The following ZNF24 variants were observed in gnomAD, a reference collection of about 807,000 sequenced individuals.
The protein encoded by ZNF24 is retinoic acid suppression protein A.
A neutral mutation model predicts 40.9 loss-of-function variants in ZNF24; 11 were observed. That is an observed-to-expected ratio of 0.27 (90% confidence interval 0.17 to 0.45). The LOEUF (loss-of-function observed/expected upper bound fraction) is 0.45. Among genes scored for constraint, ZNF24 ranks in the 20% least tolerant of loss-of-function variants. ZNF24 has a pLI of 1.00. For synonymous variants in ZNF24, 139 were observed against 154.7 expected (o/e 0.90, Z 0.75); for missense variants, 293 against 437.7 (o/e 0.67, Z 2.95).
chr18:35,335,928 G>T lies in ZNF24; in HGVS notation c.*1304C>A, dbSNP rs1311059355. 2 of 152,208 alleles carry T rather than the reference G, an allele frequency of 1.3e-5. No individual in the cohort carries two copies. Among genetic ancestry groups the T allele is most frequent in the African/African-American group, 2.4e-5 (1 of 41,542 alleles). 9.4% of individuals were successfully genotyped at this position (152,208 alleles called of 1,614,324 possible). A position where few individuals can be genotyped will look rare whatever the true frequency, so the allele number is the denominator to read the frequency against. On this transcript the variant is annotated 3_prime_UTR_variant, in exon 4 of 4. Transcript: ENST00000261332. ...AAGATTCACAAACTTCCAAATTGTGGTAAGAGTATCGTGGACTCACCTCTG... is the reference window on the plus strand; with the variant it reads ...AAGATTCACAAACTTCCAAATTGTGTTAAGAGTATCGTGGACTCACCTCTG...
intron 3 of ZNF24, chr18:35,338,522 G>C: frequency 4.1e-6 from 4 of 985,878 alleles, no homozygotes; most frequent in Non-Finnish European, 4.8e-6. Context: ...CGCAGGCAGA[G>C]ATAACAGCAA....
Position 35,339,222 on chromosome 18 carries a change from G to A in ZNF24, c.568+607C>T, listed in dbSNP as rs1285328316. On this transcript the variant is annotated intron_variant, in intron 3 of 3. Coordinates refer to ENST00000261332, the MANE Select transcript of ZNF24 (RefSeq NM_006965.4). Reference sequence around the variant, plus strand: ...ATATATTGGGAAAGACTGGTCTCGTGAATTAATACAACTTTGAGCTTTTAA... The same window carrying A: ...ATATATTGGGAAAGACTGGTCTCGTAAATTAATACAACTTTGAGCTTTTAA... 5.6e-6 allele frequency: 3 copies of A among 536,346 alleles called. No individual in the cohort carries two copies. The East Asian group carries it at 9.7e-5, about 17-fold the overall frequency. 33.2% of individuals were successfully genotyped at this position (536,346 alleles called of 1,614,324 possible). A position where few individuals can be genotyped will look rare whatever the true frequency, so the allele number is the denominator to read the frequency against.
Position 35,334,117 on chromosome 18 carries a change from C to T in ZNF24, c.*3115G>A, listed in dbSNP as rs369689211. 5.3e-5 allele frequency: 8 copies of T among 152,198 alleles called. 1 individual carries two copies. 9.4% of individuals were successfully genotyped at this position (152,198 alleles called of 1,614,324 possible). On this transcript the variant is annotated 3_prime_UTR_variant, in exon 4 of 4. Coordinates refer to ENST00000261332, the MANE Select transcript of ZNF24 (RefSeq NM_006965.4). ...AAGTATATGCCTAAATCTGGAAGAA[C>T]AAACGAAATTATCATGACTTCTCGG... is the stretch of plus-strand genomic sequence containing the variant.
chr18:35,337,844 T>G, intron 3 of ZNF24, 74 bp from the exon 4 acceptor site: 1 of 1,335,112 alleles, frequency 7.5e-7, no homozygotes, highest in South Asian at 1.5e-5. Context: ...AATTTTTTTT[T>G]TAATGAACTA....
At position 35,339,961 on chromosome 18, in the gene ZNF24, G is replaced by A; in HGVS notation, c.436C>T (p.Arg146Ter). Residue 146 changes from arginine (R) to a stop codon, truncating the protein, a stop_gained, in exon 3 of 4, where the codon CGA (arginine) becomes TGA (stop). Coordinates refer to ENST00000261332, the MANE Select transcript of ZNF24 (RefSeq NM_006965.4). LOFTEE classifies it high-confidence loss of function. ...DPGQPVSLRR[R>*]KREVLVEDMV... is the part of the protein sequence containing the mutation. ...TCTTCTACTAGTACTTCCCGTTTTC[G>A]TCGACGGAGAGAAACCTGGAAACAG... 6.2e-7 allele frequency: 1 copy of A among 1,608,904 alleles called. No homozygotes were observed. Among genetic ancestry groups the A allele is most frequent in the Non-Finnish European group, 8.5e-7 (1 of 1,175,920 alleles).
chr18:35,341,774 T>C (rs573082989), intron 1 of ZNF24, among the ~76,000 whole-genome samples: 5 of 152,044 alleles, frequency 3.3e-5, no homozygotes, highest in Admixed American at 6.5e-5. Context: ...ATCCCAGCAC[T>C]ATAGGAGGCT....
At chr18:35,342,693 C>T (rs1200238960) in intron 1 of ZNF24, 1 of 152,172 alleles carries the variant, frequency 6.6e-6, no homozygotes, top group Non-Finnish European at 1.5e-5. Context: ...ATAGGCTATA[C>T]CAGATAGCCT....
chr18:35,335,047 T>C lies in ZNF24; in HGVS notation c.*2185A>G, dbSNP rs571119191. 5 of 152,300 alleles carry C rather than the reference T, an allele frequency of 3.3e-5. No individual in the cohort carries two copies. The East Asian group carries it at 9.6e-4, about 29-fold the overall frequency. 9.4% of individuals were successfully genotyped at this position (152,300 alleles called of 1,614,324 possible). The stretch of plus-strand genomic sequence containing the variant: ...CAAATCTACCACAGGGAAGCTTCCT[T>C]GTATATAGGAACCGCATACGATCTT... On this transcript the variant is annotated 3_prime_UTR_variant, in exon 4 of 4. Coordinates refer to ENST00000261332, the MANE Select transcript of ZNF24 (RefSeq NM_006965.4).
intron 1 of ZNF24, among the ~76,000 whole-genome samples, chr18:35,342,857 T>C (rs934774555): frequency 1.5e-4 from 23 of 152,200 alleles, no homozygotes; most frequent in Admixed American, 7.2e-4. Flanking sequence ...CAGAAAAAGT[T>C]TGCCAATCAT....
intron 1 of ZNF24, among the ~76,000 whole-genome samples, chr18:35,341,175 A>C (rs2044965378): frequency 6.6e-6 from 1 of 152,212 alleles, no homozygotes; most frequent in Admixed American, 6.5e-5. Context: ...ATGGCCTAAA[A>C]AAAACCCAAC....
rs369480225 is a variant in ZNF24, at chr18:35,337,599, C to A, written c.740G>T (p.Arg247Leu). 6.2e-7 allele frequency: 1 copy of A among 1,614,036 alleles called. No individual in the cohort carries two copies. Reference sequence around the variant, plus strand: ...TTCATCACATATATGTTGTTTCTTTCGAGAGGGATTTCTCTTTCTTTCAAA... The same window carrying A: ...TTCATCACATATATGTTGTTTCTTTAGAGAGGGATTTCTCTTTCTTTCAAA... ...GRFERKRNPS[R>L]KKQHICDECG... Residue 247 changes from arginine to leucine, a missense_variant, in exon 4 of 4, where the codon CGA (arginine) becomes CTA (leucine). By Grantham distance (102) the Arg-to-Leu change is moderately radical. Coordinates refer to ENST00000261332, the MANE Select transcript of ZNF24 (RefSeq NM_006965.4).
In ZNF24 at chr18:35,340,550, C is replaced by A. The variant is rs1303001384; in HGVS notation, c.101G>T (p.Gly34Val). Residue 34 changes from glycine (G) to valine (V), a missense_variant, in exon 2 of 4, where the codon GGC becomes GTC. Around this residue, in one of 2 missense-constraint regions of ZNF24, gnomAD observed 234 missense variants for 299.2 expected, o/e 0.78. Coordinates refer to ENST00000261332, the MANE Select transcript of ZNF24 (RefSeq NM_006965.4). The surrounding 1 kb of genome is among the most constrained non-coding windows in gnomAD (Gnocchi z 4.6). ...LRVKLEEDPD[G>V]EEGSSIPWNH... ...CCAGGGGATACTTGATCCCTCTTCG[C>A]CATCAGGATCCTCCTCCAACTTCAC... The A allele has an allele frequency of 1.9e-6, 3 of 1,614,214 alleles. No homozygotes were observed. In the Admixed American group the frequency reaches 5.0e-5, roughly 27 times the overall value.
chr18:35,333,844 TATCAATCC>T lies in ZNF24; in HGVS notation c.*3380_*3387del, dbSNP rs1361333359. On this transcript the variant is annotated 3_prime_UTR_variant, in exon 4 of 4. Coordinates refer to ENST00000261332, the MANE Select transcript of ZNF24 (RefSeq NM_006965.4). ...CACTTCTATCTATAATGAACCTAAT[TATCAATCC>T]ATAGGGGATTAAATAAATTACAGAA... 2 of 152,198 alleles carry T rather than the reference TATCAATCC, an allele frequency of 1.3e-5. No homozygotes were observed. The highest frequency in any genetic ancestry group is 4.8e-5 in the African/African-American group (2 of 41,452). 9.4% of individuals were successfully genotyped at this position (152,198 alleles called of 1,614,324 possible). A position where few individuals can be genotyped will look rare whatever the true frequency, so the allele number is the denominator to read the frequency against.
chr18:35,340,798 T>C lies in ZNF24; in HGVS notation c.-83-65A>G, dbSNP rs2044962255. ...ATATCCTAAGAATTTGAACTTATAC[T>C]GGTAAAAGTAAAAGATACTTGTTCT... is the stretch of plus-strand genomic sequence containing the variant. On this transcript the variant is annotated intron_variant, in intron 1 of 3. Transcript: ENST00000261332. The surrounding 1 kb of genome is among the most constrained non-coding windows in gnomAD (Gnocchi z 4.6). 3 of 703,364 alleles carry C rather than the reference T, an allele frequency of 4.3e-6. No homozygotes were observed. The highest frequency in any genetic ancestry group is 3.2e-5 in the Admixed American group (1 of 30,970). The allele number at this position is 703,364 out of a possible 1,614,324, so 43.6% of individuals were successfully genotyped here.
chr18:35,340,740 C>G lies in ZNF24; in HGVS notation c.-83-7G>C. 8.5e-7 allele frequency: 1 copy of G among 1,181,544 alleles called. No homozygotes were observed. The highest frequency in any genetic ancestry group is 1.5e-5 in the African/African-American group (1 of 65,310). 73.2% of individuals were successfully genotyped at this position (1,181,544 alleles called of 1,614,324 possible). ...GTTTTCTTCACAGGCACTCCTGAGG[C>G]ATAAGAAATAAAAGATATATAAATA... On this transcript the variant is annotated splice_region_variant and splice_polypyrimidine_tract_variant and intron_variant, in intron 1 of 3. Transcript: ENST00000261332. The surrounding 1 kb of genome is among the most constrained non-coding windows in gnomAD (Gnocchi z 4.6).
At chr18:35,338,554 A>C in intron 3 of ZNF24, 1 of 986,440 alleles carries the variant, frequency 1.0e-6, no homozygotes, top group Non-Finnish European at 1.2e-6. Flanking sequence ...GACTTTTCTA[A>C]AACTTCATGC....
intron 3 of ZNF24, chr18:35,338,922 T>C: frequency 2.0e-6 from 3 of 1,469,738 alleles, no homozygotes; most frequent in Non-Finnish European, 2.7e-6. Flanking sequence ...GAATGTCCCA[T>C]GAAACATGTA....
At chr18:35,341,802 A>G (rs1275963468) in intron 1 of ZNF24, among the ~76,000 whole-genome samples, 2 of 152,140 alleles carry the variant, frequency 1.3e-5, no homozygotes, top group Non-Finnish European at 2.9e-5. Flanking sequence ...GAGGATCACT[A>G]AAGACCAGGA....
intron 1 of ZNF24, among the ~76,000 whole-genome samples, chr18:35,342,127 T>C (rs957074050): frequency 6.6e-6 from 1 of 151,496 alleles, no homozygotes; most frequent in South Asian, 2.1e-4. Flanking sequence ...ACCCGCGAGG[T>C]GGAGGCTGCA....
Sources: allele counts gnomAD v4.1 joint callset (sites outside exome capture counted in the v4.1 genomes callset), GRCh38; gene constraint gnomAD v4.1.1; regional missense constraint gnomAD v4.1.1; non-coding constraint Gnocchi (gnomAD v3.1); transcripts MANE v1.5; gene names NCBI Gene and HGNC (gene_info 2026-07-23, HGNC 2026-07-21).